SMCO2: variants seen among roughly 807,000 people sequenced by gnomAD.
SMCO2 encodes the protein single-pass membrane protein with coiled-coil domains 2, also known as single-pass membrane and coiled-coil domain-containing protein 2.
In SMCO2, 25 loss-of-function variants were observed where a neutral mutation model predicts 29.5. The observed-to-expected ratio is 0.85, with a 90% CI of 0.62 to 1.18. The LOEUF is 1.18. SMCO2 is among the 50% of genes most tolerant of loss of function. SMCO2 has a pLI of 0.00. For missense variants in SMCO2, 348 were observed against 344.5 expected, an observed-to-expected ratio of 1.01 and a Z score of -0.08; for synonymous variants, 117 against 123.3, an observed-to-expected ratio of 0.95 and a Z score of 0.34.
chr12:27,450,065 G>T, the SMCO2 span, among the ~76,000 whole-genome samples: 8 of 152,158 alleles, frequency 5.3e-5, no homozygotes, highest in Admixed American at 6.5e-5. Flanking sequence ...AATGCTGTGC[G>T]GAATGGATTC....
chr12:27,501,223 T>C (rs889399054), intron 7 of SMCO2, among the ~76,000 whole-genome samples: 8 of 148,558 alleles, frequency 5.4e-5, no homozygotes, highest in African/African-American at 2.6e-5. Context: ...GAGACCATCC[T>C]GGCTAACACG....
chr12:27,495,393 T>C (rs1276442613), intron 6 of SMCO2, among the ~76,000 whole-genome samples: 1 of 150,658 alleles, frequency 6.6e-6, no homozygotes, highest in Admixed American at 6.6e-5. Context: ...ACGAGTTGAG[T>C]AGAGGAATTT....
chr12:27,494,376 A>G lies in SMCO2; in HGVS notation c.507+20A>G. ...CTGGAGGTAAGATTTCAGTTACACAATTCAAACAATGATAAAATCAGATAA... is the reference window on the plus strand; with the variant it reads ...CTGGAGGTAAGATTTCAGTTACACAGTTCAAACAATGATAAAATCAGATAA... On this transcript the variant is annotated intron_variant, in intron 6 of 7. Coordinates refer to ENST00000298876, the Ensembl canonical transcript of SMCO2. 6.7e-7 allele frequency: 1 copy of G among 1,491,046 alleles called. No homozygotes were observed. The highest frequency in any genetic ancestry group is 9.0e-7 in the Non-Finnish European group (1 of 1,112,346). 92.4% of individuals were successfully genotyped at this position (1,491,046 alleles called of 1,614,324 possible).
rs535825134 is a variant in SMCO2 at position 27,495,668 on chromosome 12, C to CT, written c.508-4dup. The CT allele has an allele frequency of 5.8e-5, 84 of 1,454,626 alleles. No individual in the cohort carries two copies. The highest frequency in any genetic ancestry group is 4.0e-4 in the South Asian group (28 of 69,382). The allele number at this position is 1,454,626 out of a possible 1,614,324, so 90.1% of individuals were successfully genotyped here. Reference sequence around the variant, plus strand: ...AATTTTTTTAAGGTACTTGATTACTCTTTTTTTTCAGGACCTTTGCAAGAA... The same window carrying CT: ...AATTTTTTTAAGGTACTTGATTACTCTTTTTTTTTCAGGACCTTTGCAAGAA... On this transcript the variant is annotated splice_polypyrimidine_tract_variant and intron_variant, in intron 6 of 7. Coordinates refer to ENST00000298876, the Ensembl canonical transcript of SMCO2.
intron 4 of SMCO2, among the ~76,000 whole-genome samples, chr12:27,487,295 A>G (rs1028998863): frequency 6.6e-6 from 1 of 152,188 alleles, no homozygotes; most frequent in Admixed American, 6.5e-5. Context: ...ATGCTATTTC[A>G]TGAATGCTAC....
intron 1 of SMCO2, among the ~76,000 whole-genome samples, chr12:27,470,281 A>G (rs1335444171): frequency 6.6e-6 from 1 of 152,180 alleles, no homozygotes; most frequent in Admixed American, 6.5e-5. Flanking sequence ...CAATATGCAT[A>G]TTATTATATA....
Position 27,470,520 on chromosome 12 carries a change from A to T in SMCO2, c.-10-102A>T, listed in dbSNP as rs1949532333. 4 of 1,327,460 alleles carry T rather than the reference A, an allele frequency of 3.0e-6. No homozygotes were observed. In the Admixed American group the frequency reaches 1.0e-4, roughly 33 times the overall value. The allele number at this position is 1,327,460 out of a possible 1,614,324, so 82.2% of individuals were successfully genotyped here. ...AGCCAGTTGAAAGGGGAGGAATTAA[A>T]GCCAAATGCCCTGAGGAAGAAGTTA... On this transcript the variant is annotated intron_variant, in intron 1 of 7. Transcript: ENST00000298876.
intron 4 of SMCO2, among the ~76,000 whole-genome samples, chr12:27,477,548 C>T (rs1336690483): frequency 7.3e-6 from 1 of 137,302 alleles, no homozygotes; most frequent in Non-Finnish European, 1.5e-5. Context: ...CCCACTTATT[C>T]TCTATCTGGA....
chr12:27,427,751 C>T, the SMCO2 span, among the ~76,000 whole-genome samples: 2 of 152,098 alleles, frequency 1.3e-5, no homozygotes, highest in African/African-American at 4.8e-5. Context: ...ACACAGCGGG[C>T]TCTTCTTGCC....
intron 5 of SMCO2, chr12:27,493,995 GT>G: frequency 5.6e-6 from 1 of 177,084 alleles, no homozygotes; most frequent in Non-Finnish European, 1.2e-5. Flanking sequence ...CCTGGTAGAA[GT>G]TTTTTAAGGA....
the SMCO2 span, among the ~76,000 whole-genome samples, chr12:27,453,902 G>C: frequency 1.3e-5 from 2 of 152,206 alleles, no homozygotes; most frequent in Admixed American, 6.5e-5. Flanking sequence ...ACAAGAGCAA[G>C]TGTCAAAAAT....
chr12:27,479,284 G>A (rs915197853), intron 4 of SMCO2, among the ~76,000 whole-genome samples: 6 of 151,968 alleles, frequency 3.9e-5, no homozygotes, highest in Admixed American at 3.9e-4. Context: ...AGTGGGTGGG[G>A]TAGGCTGCTC....
At chr12:27,468,357 C>G (rs1286676007) in intron 1 of SMCO2, among the ~76,000 whole-genome samples, 1 of 151,980 alleles carries the variant, frequency 6.6e-6, no homozygotes, top group African/African-American at 2.4e-5. Flanking sequence ...TGCAACCATT[C>G]AATTCTCTCA....
upstream of SMCO2, among the ~76,000 whole-genome samples, chr12:27,461,872 A>G (rs1418996599): frequency 6.6e-6 from 1 of 152,204 alleles, no homozygotes; most frequent in Non-Finnish European, 1.5e-5. Flanking sequence ...GCTCTTGGAA[A>G]GTATTAGAAA....
intron 4 of SMCO2, among the ~76,000 whole-genome samples, chr12:27,487,156 A>G (rs562976858): frequency 6.6e-6 from 1 of 152,210 alleles, no homozygotes; most frequent in African/African-American, 2.4e-5. Context: ...GCCTTGCATG[A>G]CTATGACAAT....
chr12:27,474,703 G>A (rs1021414803), intron 3 of SMCO2, 83 bp from the exon 4 acceptor site: 1 of 1,493,124 alleles, frequency 6.7e-7, no homozygotes, highest in Non-Finnish European at 9.0e-7. Context: ...CCCCAGCAAA[G>A]GGGGATTGGG....
chr12:27,441,370 G>A, the SMCO2 span, among the ~76,000 whole-genome samples: 24 of 152,260 alleles, frequency 1.6e-4, no homozygotes, highest in African/African-American at 4.3e-4. Context: ...CACGTAGACC[G>A]AAAGTGATAG....
intron 4 of SMCO2, among the ~76,000 whole-genome samples, chr12:27,485,410 A>G (rs894535108): frequency 6.7e-6 from 1 of 150,344 alleles, no homozygotes; most frequent in African/African-American, 2.4e-5. Flanking sequence ...TAATTCTATC[A>G]TCTAATCATT....
At chr12:27,480,939 CAG>C (rs781568051) in intron 4 of SMCO2, among the ~76,000 whole-genome samples, 11 of 152,150 alleles carry the variant, frequency 7.2e-5, no homozygotes, top group Non-Finnish European at 1.5e-4. Flanking sequence ...CTGTCAGTGG[CAG>C]AGACTCCTGG....
Sources: gnomAD v4.1 joint callset for allele counts (sites outside exome capture counted in the v4.1 genomes callset) on GRCh38, gnomAD v4.1.1 for gene constraint, MANE v1.5 for transcripts, NCBI Gene and HGNC (gene_info 2026-07-23, HGNC 2026-07-21) for gene names.